The following COG3 variants were observed in gnomAD, a reference collection of about 807,000 sequenced individuals.
COG3 encodes the protein conserved oligomeric Golgi complex subunit 3.
Under a neutral mutation model 114.1 loss-of-function variants are expected in COG3, and 32 were observed. That is an observed-to-expected ratio of 0.28 (90% CI 0.21 to 0.38). COG3 has a LOEUF of 0.38. Ranked by LOEUF, COG3 falls within the 10% of genes least tolerant of loss-of-function variation. The pLI, the probability that COG3 is intolerant of heterozygous loss-of-function variation, is 1.00. For missense variants in COG3, 813 were observed against 973.2 expected, an observed-to-expected ratio of 0.84 and a Z score of 2.19; for synonymous variants, 352 against 365.7, an observed-to-expected ratio of 0.96 and a Z score of 0.43.
Position 45,534,774 on chromosome 13 carries a change from A to G in COG3, c.*43A>G. The G allele has an allele frequency of 6.5e-7, 1 of 1,539,804 alleles. No individual in the cohort carries two copies. The highest frequency in any genetic ancestry group is 1.2e-5 in the South Asian group (1 of 81,354). On this transcript the variant is annotated 3_prime_UTR_variant, in exon 23 of 23. Coordinates refer to ENST00000349995, the MANE Select transcript of COG3 (RefSeq NM_031431.4). ...TGCACCTAAATGTCTGTCTGGGAGG[A>G]GCAGGCTGAGAAGTCTTGCAGTCTG...
At chr13:45,480,989 G>C (rs987884798) in intron 4 of COG3, among the ~76,000 whole-genome samples, 2 of 152,180 alleles carry the variant, frequency 1.3e-5, no homozygotes, top group African/African-American at 4.8e-5. Context: ...AATTTTCTCT[G>C]TATGTACTTT....
chr13:45,488,985 T>G (rs1056804889), intron 8 of COG3, among the ~76,000 whole-genome samples: 11 of 151,474 alleles, frequency 7.3e-5, no homozygotes, highest in African/African-American at 2.4e-4. Flanking sequence ...TTTAGGAGTT[T>G]GAGACCAGCC....
intron 8 of COG3, 44 bp downstream of exon 8, chr13:45,486,619 C>T: frequency 1.7e-6 from 2 of 1,163,254 alleles, no homozygotes; most frequent in Non-Finnish European, 1.3e-6. Context: ...GAAATTTGTT[C>T]ATCTGCCCTT....
At chr13:45,500,345 T>G (rs190344617) in intron 13 of COG3, among the ~76,000 whole-genome samples, 1 of 152,308 alleles carries the variant, frequency 6.6e-6, no homozygotes, top group East Asian at 1.9e-4. Flanking sequence ...TAAGGAGTGC[T>G]GTAGACCTAA....
At chr13:45,486,096 G>T (rs1485643828) in intron 7 of COG3, among the ~76,000 whole-genome samples, 1 of 130,726 alleles carries the variant, frequency 7.6e-6, no homozygotes, top group Non-Finnish European at 1.6e-5. Context: ...GATCACTCGC[G>T]GTTAGGGGCT....
chr13:45,504,985 G>A (rs563767196), intron 14 of COG3, among the ~76,000 whole-genome samples: 129 of 152,006 alleles, frequency 8.5e-4, no homozygotes, highest in African/African-American at 3.0e-3. Context: ...TCAGGAGTTC[G>A]AGACCAGCCT....
Position 45,480,211 on chromosome 13 carries a change from C to T in COG3, c.470C>T (p.Ser157Phe). The T allele has an allele frequency of 6.2e-7, 1 of 1,613,596 alleles. No homozygotes were observed. Among genetic ancestry groups the T allele is most frequent in the South Asian group, 1.1e-5 (1 of 91,066 alleles). ...AACAGTGCTCTTCAGCATCTGGAGT[C>T]TTTGCAGAAACAGTATCTTTTTGTG... ...DVNSALQHLESLQKQYLFVSN... is the reference protein window; with the variant it reads ...DVNSALQHLEFLQKQYLFVSN... The change falls in exon 4 of 23, where the codon TCT becomes TTT. Residue 157 changes from serine (S) to phenylalanine (F), a missense_variant. Ser to Phe is a radical substitution (Grantham distance 155, BLOSUM62 -2). Transcript: ENST00000349995.
chr13:45,474,726 T>C (rs1329347832), intron 1 of COG3, among the ~76,000 whole-genome samples: 1 of 152,218 alleles, frequency 6.6e-6, no homozygotes, highest in Non-Finnish European at 1.5e-5. Context: ...ATCTAGCTTA[T>C]TTTAGTTTTG....
rs200307614 is a variant in COG3, at chr13:45,525,088, G to A, written c.2230+37G>A. On this transcript the variant is annotated intron_variant, in intron 20 of 22. Transcript: ENST00000349995. ...TGACCATTTTGGATTTCTTTTTTAG[G>A]ATGTTATTAGTTTGCATTTATATAG... 1.9e-5 allele frequency: 30 copies of A among 1,572,530 alleles called. No homozygotes were observed. In the East Asian group the frequency reaches 6.1e-4, roughly 32 times the overall value.
intron 15 of COG3, 39 bp downstream of exon 15, chr13:45,509,855 T>G: frequency 6.7e-7 from 1 of 1,488,036 alleles, no homozygotes; most frequent in Non-Finnish European, 9.1e-7. Flanking sequence ...GTTCTTTCAC[T>G]TGAAATATTT....
intron 7 of COG3, among the ~76,000 whole-genome samples, chr13:45,484,344 G>C (rs1286304312): frequency 6.6e-6 from 1 of 152,116 alleles, no homozygotes; most frequent in African/African-American, 2.4e-5. Flanking sequence ...CAAACCTTTA[G>C]GAGTTTAATG....
intron 22 of COG3, among the ~76,000 whole-genome samples, chr13:45,533,216 G>C (rs944086795): frequency 1.3e-5 from 2 of 151,900 alleles, no homozygotes; most frequent in African/African-American, 4.8e-5. Flanking sequence ...CAACTTAGTT[G>C]TCTATTTTTT....
chr13:45,506,733 G>A (rs1171284629), intron 14 of COG3, among the ~76,000 whole-genome samples: 1 of 152,136 alleles, frequency 6.6e-6, no homozygotes, highest in African/African-American at 2.4e-5. Context: ...AAACCAAAAA[G>A]AATAGTCATA....
At position 45,535,782 on chromosome 13, in the gene COG3, A is replaced by G. The variant is rs561050441; in HGVS notation, c.*1051A>G. ...TGAAAACTACCACACCATATCAGGGATCATAAATTATGCATATCTATGAAT... is the reference window on the plus strand; with the variant it reads ...TGAAAACTACCACACCATATCAGGGGTCATAAATTATGCATATCTATGAAT... On this transcript the variant is annotated 3_prime_UTR_variant, in exon 23 of 23. Coordinates refer to ENST00000349995, the MANE Select transcript of COG3 (RefSeq NM_031431.4). The G allele has an allele frequency of 2.7e-4, 268 of 987,564 alleles. No individual in the cohort carries two copies. Among genetic ancestry groups the G allele is most frequent in the African/African-American group, 1.9e-3 (107 of 57,438 alleles). 61.2% of individuals were successfully genotyped at this position (987,564 alleles called of 1,614,324 possible).
chr13:45,510,329 T>A (rs1870722812), intron 15 of COG3, among the ~76,000 whole-genome samples: 1 of 152,236 alleles, frequency 6.6e-6, no homozygotes, highest in Non-Finnish European at 1.5e-5. Flanking sequence ...TTTGAAATGC[T>A]ACCAAAAGTG....
intron 17 of COG3, among the ~76,000 whole-genome samples, chr13:45,517,773 AG>A (rs1413618136): frequency 7.2e-5 from 11 of 152,210 alleles, no homozygotes; most frequent in Non-Finnish European, 1.2e-4. Context: ...GGGATAGAGC[AG>A]GGTTGATTTA....
chr13:45,509,837 A>T (rs543623272), intron 15 of COG3, 21 bp downstream of exon 15: 1 of 1,558,614 alleles, frequency 6.4e-7, no homozygotes, highest in Admixed American at 1.8e-5. Context: ...CTTTACTGTG[A>T]ATTGCTCGTT....
At chr13:45,493,946 T>C (rs2137834144) in intron 12 of COG3, 2 of 153,208 alleles carry the variant, frequency 1.3e-5, no homozygotes, top group South Asian at 2.0e-4. Context: ...ATAGCTCTAC[T>C]TTGTCCATCT....
Position 45,525,014 on chromosome 13 carries a change from C to G in COG3, c.2193C>G (p.Pro731=), listed in dbSNP as rs762245913. 44 of 1,613,756 alleles carry G rather than the reference C, an allele frequency of 2.7e-5. No individual in the cohort carries two copies. The highest frequency in any genetic ancestry group is 3.6e-5 in the Non-Finnish European group (42 of 1,179,880). Residue 731 remains proline (P), a synonymous_variant, in exon 20 of 23, where the codon CCC becomes CCG. Transcript: ENST00000349995. ...AAACAATGGCCAGTCAGGGAGGCCC[C>G]AAGTATACTCTCTCACAGCAGCCTT... ...ALKTMASQGG[P]KYTLSQQPWA...
Sources: allele counts gnomAD v4.1 joint callset (sites outside exome capture counted in the v4.1 genomes callset), GRCh38; gene constraint gnomAD v4.1.1; transcripts MANE v1.5; gene names NCBI Gene and HGNC (gene_info 2026-07-23, HGNC 2026-07-21).